LRRC4C: variants seen among roughly 807,000 people sequenced by gnomAD.
LRRC4C encodes leucine-rich repeat-containing protein 4C.
In LRRC4C, 5 loss-of-function variants were observed where a neutral mutation model predicts 33.6. The observed-to-expected ratio is 0.15, with a 90% CI of 0.08 to 0.31. The LOEUF is 0.31. Ranked by LOEUF, LRRC4C falls within the 10% of genes least tolerant of loss-of-function variation. The pLI is 1.00. For synonymous variants in LRRC4C, 329 were observed against 302.0 expected, an observed-to-expected ratio of 1.09 and a Z score of -0.93; for missense variants, 560 against 796.7, an observed-to-expected ratio of 0.70 and a Z score of 3.58.
intron 1 of LRRC4C, among the ~76,000 whole-genome samples, chr11:41,448,152 C>CTTTTT (rs1955896748): frequency 1.8e-4 from 6 of 33,536 alleles, no homozygotes; most frequent in African/African-American, 3.6e-4. Flanking sequence ...TGGAGCTTTA[C>CTTTTT]TTCATCAGTG....
chr11:40,787,685 A>T (rs909599981), intron 2 of LRRC4C, among the ~76,000 whole-genome samples: 1 of 152,228 alleles, frequency 6.6e-6, no homozygotes, highest in Non-Finnish European at 1.5e-5. Context: ...TTATTTTGGC[A>T]ATTTAAAAAG....
chr11:41,103,068 A>G (rs967319028), intron 1 of LRRC4C, among the ~76,000 whole-genome samples: 6 of 151,990 alleles, frequency 3.9e-5, no homozygotes, highest in African/African-American at 1.4e-4. Context: ...TAAAAAAAGC[A>G]TTATTATAAA....
chr11:40,724,185 C>G (rs11036037), intron 2 of LRRC4C, among the ~76,000 whole-genome samples: 1 of 151,924 alleles, frequency 6.6e-6, no homozygotes, highest in Non-Finnish European at 1.5e-5. Flanking sequence ...CCACTGACAG[C>G]GTTAGACAGA....
At chr11:40,238,009 G>A (rs1166533397) in intron 5 of LRRC4C, among the ~76,000 whole-genome samples, 2 of 152,096 alleles carry the variant, frequency 1.3e-5, no homozygotes, top group Admixed American at 6.6e-5. Flanking sequence ...GAATTAATTC[G>A]GATATATTGA....
At chr11:40,701,551 T>C (rs1446328421) in intron 2 of LRRC4C, among the ~76,000 whole-genome samples, 3 of 151,344 alleles carry the variant, frequency 2.0e-5, no homozygotes, top group Non-Finnish European at 4.4e-5. Context: ...ATGTAAATGA[T>C]ATATTTGGGG....
rs1869185 is a variant in LRRC4C, at chr11:40,236,150, C to T, written c.-96+5369G>A. Among the ~76,000 whole-genome samples the T allele has an allele frequency of 2.6e-5, 4 of 151,826 alleles. No homozygotes were observed. In the East Asian group the frequency reaches 7.7e-4, roughly 29 times the overall value. ...TGCTCCAGGAAAAAAGCTCTAAGAC[C>T]CAGATTTGGTTTCTAAACATATTTT... is the stretch of plus-strand genomic sequence containing the variant. On this transcript the variant is annotated intron_variant, in intron 5 of 6. Coordinates refer to ENST00000528697, the MANE Select transcript of LRRC4C (RefSeq NM_001258419.2).
At chr11:41,092,651 A>C (rs772290491) in intron 1 of LRRC4C, among the ~76,000 whole-genome samples, 11 of 152,232 alleles carry the variant, frequency 7.2e-5, no homozygotes, top group Non-Finnish European at 1.3e-4. Flanking sequence ...GATTCTGCCA[A>C]TGTTGAATTA....
chr11:40,765,983 A>G (rs933084388), intron 2 of LRRC4C, among the ~76,000 whole-genome samples: 2 of 151,928 alleles, frequency 1.3e-5, no homozygotes, highest in Non-Finnish European at 2.9e-5. Flanking sequence ...AGAATATTAT[A>G]GAACACCAAA....
chr11:40,232,869 A>G (rs1865301666), intron 5 of LRRC4C, among the ~76,000 whole-genome samples: 2 of 152,148 alleles, frequency 1.3e-5, no homozygotes, highest in South Asian at 2.1e-4. Flanking sequence ...CTCTGCCTCG[A>G]TTCTTTCCTA....
rs5791412 is a variant in LRRC4C, at chr11:41,001,863, A to AT, written c.-495-68141dup. 6.1e-3 allele frequency among the ~76,000 whole-genome samples: 885 copies of AT among 145,892 alleles called. 2 individuals carry two copies. Among genetic ancestry groups the AT allele is most frequent in the Middle Eastern group, 0.014 (4 of 282 alleles). ...CAGCTTTCTTCTGATGGTCTGTGAC[A>AT]TTTTTTTTTTTTTTTGTACCATCCA... On this transcript the variant is annotated intron_variant, in intron 1 of 6. Coordinates refer to ENST00000528697, the MANE Select transcript of LRRC4C (RefSeq NM_001258419.2).
chr11:40,550,251 A>T (rs1229110618), intron 3 of LRRC4C, among the ~76,000 whole-genome samples: 1 of 152,104 alleles, frequency 6.6e-6, no homozygotes, highest in Non-Finnish European at 1.5e-5. Context: ...GTATCCCTTG[A>T]TTCCATGTCT....
intron 1 of LRRC4C, among the ~76,000 whole-genome samples, chr11:41,048,260 C>CTT (rs35599405): frequency 0.37 from 39,198 of 106,066 alleles, 6,763 homozygotes; most frequent in Admixed American, 0.41. Context: ...AGATTCTTTA[C>CTT]TTTTTTTTTT....
rs141137911 is a variant in LRRC4C, at chr11:40,295,222, G to T, written c.-176+24406C>A. Among the ~76,000 whole-genome samples, 470 of 152,122 alleles carry T rather than the reference G, an allele frequency of 3.1e-3. 4 individuals are homozygous for T. The highest frequency in any genetic ancestry group is 0.011 in the African/African-American group (446 of 41,496). The stretch of plus-strand genomic sequence containing the variant: ...TTCTCCAATGTATAATTTTCATAAG[G>T]CCCTTTCAGTTAATCTATGGGCATT... On this transcript the variant is annotated intron_variant, in intron 4 of 6. Coordinates refer to ENST00000528697, the MANE Select transcript of LRRC4C (RefSeq NM_001258419.2).
At chr11:41,294,081 A>C (rs2137028696) in intron 1 of LRRC4C, among the ~76,000 whole-genome samples, 1 of 152,230 alleles carries the variant, frequency 6.6e-6, no homozygotes, top group South Asian at 2.1e-4. Context: ...AGTCTTATAA[A>C]CCTTCGAAGT....
chr11:40,742,791 C>A (rs913468717), intron 2 of LRRC4C, among the ~76,000 whole-genome samples: 1 of 151,966 alleles, frequency 6.6e-6, no homozygotes, highest in Non-Finnish European at 1.5e-5. Flanking sequence ...TTTGTGATCA[C>A]CATTTGTTTT....
chr11:40,754,715 T>G (rs1948861636), intron 2 of LRRC4C, among the ~76,000 whole-genome samples: 1 of 152,162 alleles, frequency 6.6e-6, no homozygotes, highest in Non-Finnish European at 1.5e-5. Flanking sequence ...GAGTCATTTT[T>G]AATTTCCTCT....
At chr11:41,057,620 G>A (rs1213807522) in intron 1 of LRRC4C, among the ~76,000 whole-genome samples, 1 of 152,206 alleles carries the variant, frequency 6.6e-6, no homozygotes, top group African/African-American at 2.4e-5. Flanking sequence ...GCCCATAGAA[G>A]CCCTGGACTC....
intron 6 of LRRC4C, among the ~76,000 whole-genome samples, chr11:40,117,715 G>A (rs2134612269): frequency 6.6e-6 from 1 of 151,728 alleles, no homozygotes; most frequent in Non-Finnish European, 1.5e-5. Flanking sequence ...AAAGGGGAGG[G>A]GGGCCAGTGG....
At chr11:40,934,704 A>G (rs1414995499) in intron 1 of LRRC4C, among the ~76,000 whole-genome samples, 1 of 152,016 alleles carries the variant, frequency 6.6e-6, no homozygotes, top group Admixed American at 6.6e-5. Flanking sequence ...TTATCTCTTG[A>G]CTATCTCCTA....
Sources: allele counts gnomAD v4.1 joint callset (sites outside exome capture counted in the v4.1 genomes callset), GRCh38; gene constraint gnomAD v4.1.1; transcripts MANE v1.5; gene names NCBI Gene and HGNC (gene_info 2026-07-23, HGNC 2026-07-21).